The following NID1 variants were observed in gnomAD, a reference collection of about 807,000 sequenced individuals.
NID1 encodes nidogen 1, also known as nidogen-1.
In NID1, 76 loss-of-function variants were observed where a neutral mutation model predicts 130.6. The observed-to-expected ratio is 0.58, with a 90% CI of 0.48 to 0.70. The LOEUF is 0.70. Ranked by LOEUF, NID1 falls within the 30% of genes least tolerant of loss-of-function variation. The probability of loss-of-function intolerance (pLI) is 0.00; values close to 1 mark genes in which losing one functional copy is unlikely to be tolerated. For missense variants in NID1, 1,517 were observed against 1,664.8 expected, an observed-to-expected ratio of 0.91 and a Z score of 1.54; for synonymous variants, 665 against 675.1, an observed-to-expected ratio of 0.98 and a Z score of 0.23.
intron 13 of NID1, among the ~76,000 whole-genome samples, chr1:235,993,331 A>G (rs1329925763): frequency 6.6e-6 from 1 of 152,226 alleles, no homozygotes; most frequent in East Asian, 1.9e-4. Context: ...TGGAGCACAC[A>G]CAGCCGCTCT....
chr1:236,019,083 G>A (rs935552213), intron 9 of NID1, among the ~76,000 whole-genome samples: 3 of 152,218 alleles, frequency 2.0e-5, no homozygotes, highest in Non-Finnish European at 2.9e-5. Flanking sequence ...GTTCTGTGAC[G>A]TGTTTAAGAC....
At chr1:236,012,629 G>A (rs1658466068) in intron 11 of NID1, among the ~76,000 whole-genome samples, 1 of 150,906 alleles carries the variant, frequency 6.6e-6, no homozygotes, top group Admixed American at 6.6e-5. Flanking sequence ...GAAAAGATAG[G>A]ATCTATTTGT....
chr1:236,059,704 G>C (rs772298739), intron 1 of NID1, among the ~76,000 whole-genome samples: 1 of 152,190 alleles, frequency 6.6e-6, no homozygotes, highest in Non-Finnish European at 1.5e-5. Context: ...TTACTGGAAA[G>C]GGGTCCCGAT....
chr1:236,045,352 T>C, intron 3 of NID1, 105 bp downstream of exon 3: 2 of 775,848 alleles, frequency 2.6e-6, no homozygotes, highest in South Asian at 1.9e-5. Flanking sequence ...ATGCAAAACT[T>C]AAATCCATAG....
intron 19 of NID1, among the ~76,000 whole-genome samples, chr1:235,978,273 T>C (rs1370183317): frequency 6.6e-6 from 1 of 152,240 alleles, no homozygotes. Flanking sequence ...GTTCTCCAGC[T>C]CTGATTATAA....
At chr1:236,052,820 G>A (rs61711240) in intron 1 of NID1, among the ~76,000 whole-genome samples, 6,303 of 152,256 alleles carry the variant, frequency 0.041, 424 homozygotes, top group African/African-American at 0.14. Flanking sequence ...GTCCAGGGTG[G>A]CTCCTGCCTG....
chr1:235,997,797 G>A (rs1460109143), intron 12 of NID1, among the ~76,000 whole-genome samples: 1 of 151,824 alleles, frequency 6.6e-6, no homozygotes, highest in African/African-American at 2.4e-5. Flanking sequence ...TGGTAGAGAC[G>A]GGGTTTCACT....
Position 235,990,956 on chromosome 1 carries a change from T to C in NID1, c.2858A>G (p.Lys953Arg). Residue 953 changes from lysine (K) to arginine (R), a missense_variant, in exon 14 of 20, where the codon AAG becomes AGG. Physicochemically the swap from Lys to Arg is conservative, Grantham distance 26. This residue lies in a region of NID1 where 1,329 missense variants were observed against 1,429.2 expected (regional missense o/e 0.93). Coordinates refer to ENST00000264187, the MANE Select transcript of NID1 (RefSeq NM_002508.3). ...TCCCTCCAGGGGCAGGCGCTCAATCTTCCCAGTCTGGGCAAAGAGTAAATG... is the reference window on the plus strand; with the variant it reads ...TCCCTCCAGGGGCAGGCGCTCAATCCTCCCAGTCTGGGCAAAGAGTAAATG... ...GTHLLFAQTG[K>R]IERLPLEGNT... The C allele has an allele frequency of 6.2e-7, 1 of 1,614,126 alleles. No homozygotes were observed. The highest frequency in any genetic ancestry group is 8.5e-7 in the Non-Finnish European group (1 of 1,180,012).
intron 15 of NID1, among the ~76,000 whole-genome samples, chr1:235,983,783 CT>C (rs1261865076): frequency 6.6e-6 from 1 of 152,130 alleles, no homozygotes; most frequent in Non-Finnish European, 1.5e-5. Flanking sequence ...AGAAGTATTC[CT>C]TACTGCTTAC....
intron 1 of NID1, among the ~76,000 whole-genome samples, chr1:236,061,673 C>T (rs1281023799): frequency 2.0e-5 from 3 of 151,912 alleles, no homozygotes; most frequent in Non-Finnish European, 2.9e-5. Context: ...ACCATGTTGG[C>T]CAGGCTGGTC....
chr1:235,988,892 G>T (rs1364366292), intron 14 of NID1, among the ~76,000 whole-genome samples: 1 of 152,092 alleles, frequency 6.6e-6, no homozygotes, highest in East Asian at 1.9e-4. Context: ...GGGAGGTATT[G>T]TTTAATAGCT....
chr1:236,026,637 A>C lies in NID1; in HGVS notation c.1739-496T>G, dbSNP rs75230991. ...AATCAAGCAGACTAATAGTATTAGT[A>C]AGATAAACTACCATTTACTGAGCAT... On this transcript the variant is annotated intron_variant, in intron 7 of 19. Coordinates refer to ENST00000264187, the MANE Select transcript of NID1 (RefSeq NM_002508.3). Among the ~76,000 whole-genome samples, 1,069 of 152,342 alleles carry C rather than the reference A, an allele frequency of 7.0e-3. 19 individuals are homozygous for C. Among genetic ancestry groups the C allele is most frequent in the East Asian group, 0.059 (304 of 5,184 alleles).
intron 3 of NID1, among the ~76,000 whole-genome samples, chr1:236,043,386 A>T (rs1005108816): frequency 1.3e-5 from 2 of 152,132 alleles, no homozygotes; most frequent in African/African-American, 4.8e-5. Flanking sequence ...GCTAGAATTG[A>T]ACTGAAGTGT....
chr1:236,013,376 G>T (rs372915275), intron 11 of NID1, 35 bp downstream of exon 11: 2 of 1,611,516 alleles, frequency 1.2e-6, no homozygotes, highest in Non-Finnish European at 8.5e-7. Context: ...ACTTTCTCAG[G>T]TTACACACAG....
At chr1:236,026,515 G>A (rs1658935211) in intron 7 of NID1, among the ~76,000 whole-genome samples, 1 of 152,142 alleles carries the variant, frequency 6.6e-6, no homozygotes, top group South Asian at 2.1e-4. Context: ...CAAGCTGTGT[G>A]GCCACTGGCT....
At chr1:236,041,120 T>A (rs905365342) in intron 4 of NID1, among the ~76,000 whole-genome samples, 1 of 151,364 alleles carries the variant, frequency 6.6e-6, no homozygotes, top group African/African-American at 2.4e-5. Flanking sequence ...CAGGCTGGAG[T>A]GCAGTGGCAT....
At chr1:235,992,577 G>C (rs758898015) in intron 13 of NID1, among the ~76,000 whole-genome samples, 26 of 152,012 alleles carry the variant, frequency 1.7e-4, no homozygotes, top group Non-Finnish European at 2.9e-4. Flanking sequence ...CCAGGATTCC[G>C]CCTCGGCTCC....
intron 12 of NID1, among the ~76,000 whole-genome samples, chr1:236,006,353 C>G (rs1262622003): frequency 6.6e-6 from 1 of 152,158 alleles, no homozygotes; most frequent in Non-Finnish European, 1.5e-5. Flanking sequence ...GTGAGACAAG[C>G]AGACATACAC....
At chr1:236,025,656 A>G (rs1658907971) in intron 8 of NID1, among the ~76,000 whole-genome samples, 1 of 152,218 alleles carries the variant, frequency 6.6e-6, no homozygotes, top group South Asian at 2.1e-4. Context: ...AGGCACCTCA[A>G]CAGGTTAGCA....
Sources: gnomAD v4.1 joint callset for allele counts (sites outside exome capture counted in the v4.1 genomes callset) on GRCh38, gnomAD v4.1.1 for gene constraint, gnomAD v4.1.1 regional missense constraint, MANE v1.5 for transcripts, NCBI Gene and HGNC (gene_info 2026-07-23, HGNC 2026-07-21) for gene names.